HEPHL1: variants seen among roughly 807,000 people sequenced by gnomAD.
The protein encoded by HEPHL1 is ferroxidase HEPHL1.
Under a neutral mutation model 122.0 loss-of-function variants are expected in HEPHL1, and 123 were observed. The observed-to-expected ratio is 1.01, with a 90% CI of 0.87 to 1.17. The LOEUF (loss-of-function observed/expected upper bound fraction) is 1.17, where lower values mean the gene tolerates loss of function less well. Among genes scored for constraint, HEPHL1 ranks in the 50% most tolerant of loss-of-function variants. The pLI is 0.00. For missense variants in HEPHL1, 1,452 were observed against 1,430.5 expected (o/e 1.01, Z -0.24); for synonymous variants, 527 against 508.9 (o/e 1.04, Z -0.48).
intron 12 of HEPHL1, among the ~76,000 whole-genome samples, chr11:94,090,747 A>T (rs933097747): frequency 2.2e-4 from 34 of 152,124 alleles, no homozygotes; most frequent in African/African-American, 8.2e-4. Flanking sequence ...CCTAGTTTCT[A>T]TGTGTCTGCC....
Position 94,104,689 on chromosome 11 carries a change from C to T in HEPHL1, c.2844C>T (p.Leu948=), listed in dbSNP as rs201371374. 6.2e-7 allele frequency: 1 copy of T among 1,613,820 alleles called. No homozygotes were observed. Among genetic ancestry groups the T allele is most frequent in the African/African-American group, 1.3e-5 (1 of 75,010 alleles). The change falls in exon 16 of 20, where the codon CTC becomes CTT. Residue 948 remains leucine (L), a synonymous_variant. Transcript: ENST00000315765. ...TGGATGACAATATTAAGAAGTATCT[C>T]AACAAAGATCCACGAGATTTTAAGC... The part of the protein sequence containing the change: ...WYLDDNIKKY[L]NKDPRDFKRT...
chr11:94,095,253 A>C (rs1340192548), intron 13 of HEPHL1, among the ~76,000 whole-genome samples: 1 of 152,174 alleles, frequency 6.6e-6, no homozygotes, highest in Non-Finnish European at 1.5e-5. Flanking sequence ...TAAATAGGGA[A>C]TCTTTCCTCA....
chr11:94,048,544 T>G (rs556469713), intron 2 of HEPHL1, among the ~76,000 whole-genome samples: 39 of 152,146 alleles, frequency 2.6e-4, no homozygotes, highest in Admixed American at 1.4e-3. Context: ...AATTTTTTCA[T>G]AGAGATAGGA....
chr11:94,099,668 G>C (rs1946350910), intron 13 of HEPHL1, among the ~76,000 whole-genome samples: 3 of 152,102 alleles, frequency 2.0e-5, no homozygotes, highest in Admixed American at 2.0e-4. Flanking sequence ...CACCCAGTTC[G>C]AGCTTCCCAG....
intron 13 of HEPHL1, among the ~76,000 whole-genome samples, chr11:94,099,035 G>A (rs1222306323): frequency 1.3e-5 from 2 of 152,232 alleles, no homozygotes; most frequent in African/African-American, 2.4e-5. Flanking sequence ...TCTCCATCCA[G>A]CTTTGTTCTG....
At chr11:94,103,956 A>G (rs544426110) in intron 15 of HEPHL1, among the ~76,000 whole-genome samples, 2 of 152,350 alleles carry the variant, frequency 1.3e-5, no homozygotes, top group African/African-American at 2.4e-5. Flanking sequence ...ACCAAATACT[A>G]TGAGAGATGC....
At chr11:94,049,430 C>T (rs1039568737) in intron 2 of HEPHL1, among the ~76,000 whole-genome samples, 5 of 151,948 alleles carry the variant, frequency 3.3e-5, no homozygotes, top group African/African-American at 1.2e-4. Context: ...CTACGGAAAA[C>T]AGTATGGAGA....
chr11:94,072,909 T>C, intron 6 of HEPHL1, 116 bp from the exon 7 acceptor site: 1 of 950,050 alleles, frequency 1.1e-6, no homozygotes. Flanking sequence ...TGTGCTGTCT[T>C]TTCTGGGGAC....
At chr11:94,060,124 A>T (rs1422247793) in intron 2 of HEPHL1, among the ~76,000 whole-genome samples, 1 of 5,474 alleles carries the variant, frequency 1.8e-4, no homozygotes, top group South Asian at 0.014. Flanking sequence ...ATATATATAT[A>T]TATATATATA....
intron 13 of HEPHL1, among the ~76,000 whole-genome samples, chr11:94,094,401 T>A (rs1946292691): frequency 6.6e-6 from 1 of 152,052 alleles, no homozygotes; most frequent in African/African-American, 2.4e-5. Context: ...TCTATCATTG[T>A]TGGACATTTG....
chr11:94,075,478 A>G, intron 9 of HEPHL1, 93 bp downstream of exon 9: 1 of 891,940 alleles, frequency 1.1e-6, no homozygotes, highest in South Asian at 1.6e-5. Flanking sequence ...CAGTTACAAA[A>G]AGCAATTTGT....
intron 11 of HEPHL1, among the ~76,000 whole-genome samples, chr11:94,087,995 A>G (rs999981977): frequency 6.6e-6 from 1 of 152,234 alleles, no homozygotes; most frequent in African/African-American, 2.4e-5. Flanking sequence ...TTATTGATCC[A>G]ATATTTTCAT....
chr11:94,073,217 G>A, intron 7 of HEPHL1, 53 bp downstream of exon 7: 1 of 1,609,368 alleles, frequency 6.2e-7, no homozygotes, highest in Non-Finnish European at 8.5e-7. Context: ...TTTTAGCTGG[G>A]CATGTACATC....
intron 1 of HEPHL1, among the ~76,000 whole-genome samples, chr11:94,024,307 T>C (rs1344441473): frequency 6.6e-6 from 1 of 152,208 alleles, no homozygotes; most frequent in Non-Finnish European, 1.5e-5. Context: ...TCTCTGAATA[T>C]CACTTTCCTT....
intron 9 of HEPHL1, among the ~76,000 whole-genome samples, chr11:94,078,640 A>G (rs1946146156): frequency 6.6e-6 from 1 of 151,884 alleles, no homozygotes; most frequent in Admixed American, 6.6e-5. Context: ...AGAACCAGGA[A>G]GAGCCAACAT....
At chr11:94,079,219 G>A (rs757655446) in intron 9 of HEPHL1, among the ~76,000 whole-genome samples, 5 of 152,126 alleles carry the variant, frequency 3.3e-5, no homozygotes, top group African/African-American at 9.7e-5. Context: ...TTACCCTCAC[G>A]TTGCAAGTGA....
At chr11:94,069,169 GC>G (rs1278909640) in intron 5 of HEPHL1, among the ~76,000 whole-genome samples, 1 of 152,192 alleles carries the variant, frequency 6.6e-6, no homozygotes, top group African/African-American at 2.4e-5. Context: ...CGCTAAATTA[GC>G]CCGATAGTTG....
chr11:94,032,785 G>A (rs909884320), intron 1 of HEPHL1, among the ~76,000 whole-genome samples: 1 of 152,172 alleles, frequency 6.6e-6, no homozygotes, highest in Non-Finnish European at 1.5e-5. Context: ...TGAAACTGGT[G>A]ATCAGCAGCT....
intron 1 of HEPHL1, among the ~76,000 whole-genome samples, chr11:94,035,067 C>G (rs1214285295): frequency 2.6e-5 from 4 of 152,194 alleles, no homozygotes; most frequent in Non-Finnish European, 4.4e-5. Flanking sequence ...GCCAAGCACT[C>G]AAATTTCTCC....
Sources: allele counts gnomAD v4.1 joint callset (sites outside exome capture counted in the v4.1 genomes callset), GRCh38; gene constraint gnomAD v4.1.1; transcripts MANE v1.5; gene names NCBI Gene and HGNC (gene_info 2026-07-23, HGNC 2026-07-21).